The following SCTR variants were observed in gnomAD, a reference collection of about 807,000 sequenced individuals.
SCTR encodes the protein secretin receptor.
Under a neutral mutation model 60.8 loss-of-function variants are expected in SCTR, and 56 were observed. That is an observed-to-expected ratio of 0.92 (90% CI 0.74 to 1.15). The LOEUF (loss-of-function observed/expected upper bound fraction) is 1.15. Among genes scored for constraint, SCTR ranks in the 50% most tolerant of loss-of-function variants. The pLI is 0.00. For missense variants in SCTR, 562 were observed against 550.4 expected (o/e 1.02, Z -0.21); for synonymous variants, 202 against 217.0 (o/e 0.93, Z 0.61).
intron 2 of SCTR, among the ~76,000 whole-genome samples, chr2:119,483,074 C>T (rs1459426472): frequency 1.3e-5 from 2 of 152,212 alleles, no homozygotes; most frequent in Admixed American, 6.5e-5. Context: ...GGGTACCAGC[C>T]GCAGGCTCCA....
At chr2:119,454,361 G>A (rs553843897) in intron 7 of SCTR, among the ~76,000 whole-genome samples, 1 of 152,276 alleles carries the variant, frequency 6.6e-6, no homozygotes, top group South Asian at 2.1e-4. Context: ...TTTATTCTCT[G>A]GAATTACTGA....
Position 119,494,416 on chromosome 2 carries a change from C to T in SCTR, c.193+12G>A. On this transcript the variant is annotated intron_variant, in intron 2 of 12. Coordinates refer to ENST00000019103, the MANE Select transcript of SCTR (RefSeq NM_002980.3). ...CCCCAAGAGAGGACATGGGCTGTGG[C>T]AAGCCTCATACCTGGCACTGGCTGC... The T allele has an allele frequency of 6.2e-7, 1 of 1,612,962 alleles. No individual in the cohort carries two copies. The highest frequency in any genetic ancestry group is 8.5e-7 in the Non-Finnish European group (1 of 1,179,470).
intron 2 of SCTR, among the ~76,000 whole-genome samples, chr2:119,481,070 A>G (rs1677578877): frequency 6.6e-6 from 1 of 152,066 alleles, no homozygotes; most frequent in African/African-American, 2.4e-5. Flanking sequence ...GGGACTGGCA[A>G]CCCCTTTCCC....
At chr2:119,503,812 T>C (rs1011291620) in intron 1 of SCTR, among the ~76,000 whole-genome samples, 2 of 152,174 alleles carry the variant, frequency 1.3e-5, no homozygotes, top group African/African-American at 2.4e-5. Context: ...TAATATTGTA[T>C]CAACATAAGC....
intron 3 of SCTR, among the ~76,000 whole-genome samples, chr2:119,477,351 C>T (rs1037953562): frequency 4.6e-5 from 7 of 152,176 alleles, no homozygotes; most frequent in Non-Finnish European, 8.8e-5. Context: ...TGTGATGCCA[C>T]GGTTGTGAGG....
Position 119,464,175 on chromosome 2 carries a change from T to C in SCTR, c.584A>G (p.Lys195Arg). The C allele has an allele frequency of 6.2e-7, 1 of 1,614,166 alleles. No homozygotes were observed. The change falls in exon 6 of 13, where the codon AAG (lysine) becomes AGG (arginine). Residue 195 changes from lysine to arginine, a missense_variant. Lys to Arg is a conservative substitution (Grantham distance 26). Coordinates refer to ENST00000019103, the MANE Select transcript of SCTR (RefSeq NM_002980.3). ...FILRALSNFI[K>R]DAVLFSSDDV... is the part of the protein sequence containing the mutation. ...ATCTGAGGAGAAGAGCACGGCGTCC[T>C]TGATGAAGTTGGACAGGGCACGAAG...
intron 1 of SCTR, among the ~76,000 whole-genome samples, chr2:119,501,306 AGG>A (rs1183272697): frequency 3.3e-5 from 5 of 152,082 alleles, no homozygotes; most frequent in African/African-American, 1.2e-4. Context: ...GCTACTCGGG[AGG>A]CTGAGGCAGG....
At chr2:119,454,415 T>C (rs1683292567) in intron 7 of SCTR, among the ~76,000 whole-genome samples, 1 of 151,986 alleles carries the variant, frequency 6.6e-6, no homozygotes, top group African/African-American at 2.4e-5. Context: ...GTTGGAGGGG[T>C]TGCTCAGCTG....
rs112657217 is a variant in SCTR, at chr2:119,476,162, C to T, written c.302-2606G>A. Among the ~76,000 whole-genome samples, 912 of 152,240 alleles carry T rather than the reference C, an allele frequency of 6.0e-3. 11 individuals are homozygous for T. Among genetic ancestry groups the T allele is most frequent in the African/African-American group, 0.02 (828 of 41,552 alleles). On this transcript the variant is annotated intron_variant, in intron 3 of 12. Transcript: ENST00000019103. ...CCTGGGGTTAGGGTTGGGGGCACCACCTAGGGAAGCCTGCCTTCCTGCCGG... is the reference window on the plus strand; with the variant it reads ...CCTGGGGTTAGGGTTGGGGGCACCATCTAGGGAAGCCTGCCTTCCTGCCGG...
chr2:119,473,319 G>T lies in SCTR; in HGVS notation c.405+134C>A, dbSNP rs141158576. ...TGTGAGTAGGAGGCATGGGGACAGG[G>T]GGTAGCCCTTACATCCTGACCACTG... On this transcript the variant is annotated intron_variant, in intron 4 of 12. Coordinates refer to ENST00000019103, the MANE Select transcript of SCTR (RefSeq NM_002980.3). 6.7e-4 allele frequency: 427 copies of T among 633,458 alleles called. 2 individuals are homozygous for T. In the African/African-American group the frequency reaches 7.4e-3, roughly 11 times the overall value. 39.2% of individuals were successfully genotyped at this position (633,458 alleles called of 1,614,324 possible). A position where few individuals can be genotyped will look rare whatever the true frequency, so the allele number is the denominator to read the frequency against.
intron 7 of SCTR, among the ~76,000 whole-genome samples, chr2:119,457,666 T>C (rs1057394998): frequency 6.6e-6 from 1 of 150,518 alleles, no homozygotes; most frequent in African/African-American, 2.4e-5. Flanking sequence ...TGGGCTGTGA[T>C]TGAACCACTG....
rs1384825564 is a variant in SCTR at position 119,464,183 on chromosome 2, G to A, written c.576C>T (p.Asn192=). Reference sequence around the variant, plus strand: ...AGAAGAGCACGGCGTCCTTGATGAAGTTGGACAGGGCACGAAGGATGAAGG... The same window carrying A: ...AGAAGAGCACGGCGTCCTTGATGAAATTGGACAGGGCACGAAGGATGAAGG... The part of the protein sequence containing the change: ...FVSFILRALS[N]FIKDAVLFSS... Residue 192 remains asparagine, a synonymous_variant, in exon 6 of 13, where the codon AAC becomes AAT. Coordinates refer to ENST00000019103, the MANE Select transcript of SCTR (RefSeq NM_002980.3). The A allele has an allele frequency of 6.2e-7, 1 of 1,614,090 alleles. No homozygotes were observed. Among genetic ancestry groups the A allele is most frequent in the African/African-American group, 1.3e-5 (1 of 74,934 alleles).
At chr2:119,503,510 TG>T in intron 1 of SCTR, among the ~76,000 whole-genome samples, 1 of 152,134 alleles carries the variant, frequency 6.6e-6, no homozygotes, top group East Asian at 1.9e-4. Context: ...CACTCCAGTC[TG>T]GGGGACAGAG....
chr2:119,449,380 G>A (rs1372004798), intron 9 of SCTR, among the ~76,000 whole-genome samples: 3 of 152,134 alleles, frequency 2.0e-5, no homozygotes, highest in Admixed American at 6.6e-5. Context: ...CCGTATTTAG[G>A]GATAATATTG....
At chr2:119,491,558 C>A (rs746128959) in intron 2 of SCTR, among the ~76,000 whole-genome samples, 15 of 152,170 alleles carry the variant, frequency 9.9e-5, no homozygotes, top group Non-Finnish European at 1.8e-4. Context: ...GTTGCCCAGG[C>A]TGGAGTGCAA....
At chr2:119,453,487 A>G (rs879854118) in intron 7 of SCTR, 140 bp from the exon 8 acceptor site, 3 of 671,506 alleles carry the variant, frequency 4.5e-6, no homozygotes, top group Non-Finnish European at 8.0e-6. Context: ...CCCCTCTGCC[A>G]TCTTGTGCCA....
chr2:119,488,491 G>T (rs571143999), intron 2 of SCTR, among the ~76,000 whole-genome samples: 2 of 152,254 alleles, frequency 1.3e-5, no homozygotes, highest in Non-Finnish European at 2.9e-5. Context: ...GGCGGAAAGC[G>T]CTGGTTCACT....
chr2:119,493,721 A>G (rs900316585), intron 2 of SCTR, among the ~76,000 whole-genome samples: 6 of 149,090 alleles, frequency 4.0e-5, no homozygotes, highest in African/African-American at 1.2e-4. Flanking sequence ...AACTCACTGC[A>G]ACCTCTGCAT....
chr2:119,454,511 C>T (rs1463420489), intron 7 of SCTR, among the ~76,000 whole-genome samples: 1 of 152,034 alleles, frequency 6.6e-6, no homozygotes, highest in Non-Finnish European at 1.5e-5. Flanking sequence ...GAGTTGGGCA[C>T]TAAGTGCAAG....
Sources: gnomAD v4.1 joint callset for allele counts (sites outside exome capture counted in the v4.1 genomes callset) on GRCh38, gnomAD v4.1.1 for gene constraint, MANE v1.5 for transcripts, NCBI Gene and HGNC (gene_info 2026-07-23, HGNC 2026-07-21) for gene names.